Variants in IFI16 observed in about 807,000 individuals in gnomAD.
IFI16 encodes interferon gamma inducible protein 16.
Under a neutral mutation model 68.4 loss-of-function variants are expected in IFI16, and 49 were observed. The ratio of observed to expected loss-of-function variants is 0.72; its 90% CI spans 0.57 to 0.91. IFI16 has a LOEUF of 0.91. Ranked by LOEUF, IFI16 falls within the 40% of genes least tolerant of loss-of-function variation. The pLI, the probability that IFI16 is intolerant of heterozygous loss-of-function variation, is 0.00. For missense variants in IFI16, 878 were observed against 942.9 expected (o/e 0.93, Z 0.90); for synonymous variants, 307 against 315.0 (o/e 0.97, Z 0.27).
At chr1:159,017,289 T>C (rs1315062696) in intron 4 of IFI16, among the ~76,000 whole-genome samples, 1 of 152,192 alleles carries the variant, frequency 6.6e-6, no homozygotes, top group African/African-American at 2.4e-5. Flanking sequence ...CTGAACCTAC[T>C]GAGATGATGG....
rs368298795 is a variant in IFI16 at position 159,047,061 on chromosome 1, AATGGGCAGGGAAGGT to A, written c.1497+1610_1497+1624del. On this transcript the variant is annotated intron_variant, in intron 8 of 11. Coordinates refer to ENST00000295809, the MANE Select transcript of IFI16 (RefSeq NM_001376587.1). ...CGCTATGGGGCCTACACCCAAGACG[AATGGGCAGGGAAGGT>A]ATGGGCAGGGAAATACTGACCCACG... is the stretch of plus-strand genomic sequence containing the variant. 5.5e-3 allele frequency among the ~76,000 whole-genome samples: 829 copies of A among 151,100 alleles called. 28 individuals are homozygous for A. The highest frequency in any genetic ancestry group is 0.019 in the African/African-American group (774 of 41,288).
At chr1:159,049,355 A>T in intron 8 of IFI16, 77 bp from the exon 9 acceptor site, 1 of 748,850 alleles carries the variant, frequency 1.3e-6, no homozygotes, top group Non-Finnish European at 2.1e-6. Flanking sequence ...TAAAAAAGAA[A>T]AAAGGAAAAG....
intron 9 of IFI16, among the ~76,000 whole-genome samples, chr1:159,051,012 T>G (rs1323619718): frequency 6.6e-6 from 1 of 152,216 alleles, no homozygotes; most frequent in Admixed American, 6.5e-5. Context: ...TGGTTGAGAC[T>G]ATTCCTTACT....
chr1:159,032,543 C>T lies in IFI16; in HGVS notation c.1181C>T (p.Pro394Leu), dbSNP rs139085188. Reference protein sequence around the residue: ...SFIQIKKKTNPRNNDPKSMKL... With the variant: ...SFIQIKKKTNLRNNDPKSMKL... ...TTTCAGATAAAGAAAAAAACAAACC[C>T]GAGAAACAATGACCCCAAGAGCATG... Residue 394 changes from proline to leucine, a missense_variant, in exon 7 of 12, where the codon CCG becomes CTG. This residue lies in a region of IFI16 where 443 missense variants were observed against 421.8 expected (regional missense o/e 1.05). Coordinates refer to ENST00000295809, the MANE Select transcript of IFI16 (RefSeq NM_001376587.1). 58 of 1,581,960 alleles carry T rather than the reference C, an allele frequency of 3.7e-5. No homozygotes were observed. The highest frequency in any genetic ancestry group is 9.8e-5 in the Admixed American group (5 of 51,100).
At chr1:159,035,944 G>T (rs576981029) in intron 7 of IFI16, among the ~76,000 whole-genome samples, 1 of 152,268 alleles carries the variant, frequency 6.6e-6, no homozygotes, top group South Asian at 2.1e-4. Flanking sequence ...TTACTTAAAT[G>T]AATTTGAGAA....
intron 8 of IFI16, 80 bp from the exon 9 acceptor site, chr1:159,049,352 G>C (rs1655199080): frequency 1.4e-6 from 1 of 730,438 alleles, no homozygotes; most frequent in Non-Finnish European, 2.2e-6. Context: ...ATTTAAAAAA[G>C]AAAAAAGGAA....
chr1:159,042,061 TA>T (rs1322768214), intron 7 of IFI16, among the ~76,000 whole-genome samples: 2 of 152,214 alleles, frequency 1.3e-5, no homozygotes, highest in Non-Finnish European at 1.5e-5. Context: ...CTTAGCTTAG[TA>T]ATCTCAGCCA....
upstream of IFI16, among the ~76,000 whole-genome samples, chr1:159,007,128 A>G (rs1389811158): frequency 6.6e-6 from 1 of 152,266 alleles, no homozygotes; most frequent in African/African-American, 2.4e-5. Flanking sequence ...CTGAGAATCA[A>G]TGGACAAAAC....
At chr1:159,008,354 T>C (rs1359072190), upstream of IFI16, among the ~76,000 whole-genome samples, 1 of 152,204 alleles carries the variant, frequency 6.6e-6, no homozygotes, top group East Asian at 1.9e-4. Context: ...ATTGCAATTG[T>C]TGGCCACTGC....
chr1:159,032,041 G>C (rs76088810), intron 6 of IFI16, among the ~76,000 whole-genome samples: 4,445 of 152,252 alleles, frequency 0.029, 147 homozygotes, highest in African/African-American at 0.074. Context: ...TTATTCCATT[G>C]CCTTGTACAT....
intron 7 of IFI16, among the ~76,000 whole-genome samples, chr1:159,033,676 G>A (rs183607867): frequency 1.1e-4 from 17 of 152,232 alleles, no homozygotes; most frequent in Non-Finnish European, 1.9e-4. Flanking sequence ...AACCTAAAAC[G>A]TGAAAAATTA....
In IFI16 at chr1:159,020,531, TA is replaced by T; in HGVS notation, c.1161+4del. On this transcript the variant is annotated splice_donor_region_variant and intron_variant, in intron 6 of 11. Coordinates refer to ENST00000295809, the MANE Select transcript of IFI16 (RefSeq NM_001376587.1). ...TCAGAAATGCATAGTTTTATCCAGG[TA>T]AGAATTAAATAGGCAAATATTAGTT... 1 of 1,594,762 alleles carries T rather than the reference TA, an allele frequency of 6.3e-7. No individual in the cohort carries two copies. Among genetic ancestry groups the T allele is most frequent in the Non-Finnish European group, 8.6e-7 (1 of 1,168,232 alleles).
chr1:159,002,655 T>C (rs1250320103), upstream of IFI16, among the ~76,000 whole-genome samples: 2 of 152,276 alleles, frequency 1.3e-5, no homozygotes, highest in African/African-American at 2.4e-5. Flanking sequence ...TTGCTATTTG[T>C]TTATTCTTTA....
chr1:159,052,263 G>A (rs930816386), intron 10 of IFI16, 165 bp downstream of exon 10: 8 of 599,744 alleles, frequency 1.3e-5, no homozygotes, highest in Non-Finnish European at 2.4e-5. Flanking sequence ...TCAGGATATG[G>A]GGTACGTTAT....
Position 159,018,512 on chromosome 1 carries a change from C to T in IFI16, c.833C>T (p.Thr278Ile), listed in dbSNP as rs781306460. 4.3e-6 allele frequency: 7 copies of T among 1,613,994 alleles called. No individual in the cohort carries two copies. The East Asian group carries it at 1.3e-4, about 31-fold the overall frequency. ...DSLLEVNEES[T>I]VSEAGPNQTF... The stretch of plus-strand genomic sequence containing the variant: ...CTCCTAGAGGTCAATGAAGAATCTA[C>T]TGTATCTGAAGCTGGTCCTAACCAA... The change falls in exon 5 of 12, where the codon ACT becomes ATT. Residue 278 changes from threonine (T) to isoleucine (I), a missense_variant. Transcript: ENST00000295809.
chr1:159,031,182 T>TG (rs111249701), intron 6 of IFI16, among the ~76,000 whole-genome samples: 11,562 of 152,126 alleles, frequency 0.076, 849 homozygotes, highest in African/African-American at 0.19. Context: ...ACTCCCACCA[T>TG]CACCCACCAA....
chr1:159,016,811 A>G, intron 4 of IFI16, 111 bp downstream of exon 4: 2 of 939,746 alleles, frequency 2.1e-6, no homozygotes, highest in South Asian at 1.6e-5. Flanking sequence ...AATCCAATGT[A>G]CATATTGAGA....
intron 6 of IFI16, among the ~76,000 whole-genome samples, chr1:159,027,002 C>A (rs1337165901): frequency 6.6e-6 from 1 of 152,164 alleles, no homozygotes; most frequent in African/African-American, 2.4e-5. Context: ...TTCCTCTTTG[C>A]CGATTTGGAT....
chr1:159,052,187 C>A, intron 10 of IFI16, 89 bp downstream of exon 10: 1 of 1,031,588 alleles, frequency 9.7e-7, no homozygotes, highest in South Asian at 1.6e-5. Context: ...GGTCAACTTA[C>A]TCAACACAGA....
Sources: allele counts gnomAD v4.1 joint callset (sites outside exome capture counted in the v4.1 genomes callset), GRCh38; gene constraint gnomAD v4.1.1; regional missense constraint gnomAD v4.1.1; transcripts MANE v1.5; gene names NCBI Gene and HGNC (gene_info 2026-07-23, HGNC 2026-07-21).